Variants in VPS41 observed in about 807,000 individuals in gnomAD.
VPS41 encodes the protein vacuolar protein sorting-associated protein 41 homolog.
Under a neutral mutation model 130.9 loss-of-function variants are expected in VPS41, and 85 were observed. The ratio of observed to expected loss-of-function variants is 0.65; its 90% CI spans 0.55 to 0.78. The LOEUF is 0.78. Ranked by LOEUF, VPS41 falls within the 30% of genes least tolerant of loss-of-function variation. The pLI, the probability that VPS41 is intolerant of heterozygous loss-of-function variation, is 0.00. For synonymous variants in VPS41, 335 were observed against 332.9 expected (o/e 1.01, Z -0.07); for missense variants, 874 against 1,018.7 (o/e 0.86, Z 1.93).
At chr7:38,824,958 A>G (rs1014288112) in intron 5 of VPS41, among the ~76,000 whole-genome samples, 4 of 152,254 alleles carry the variant, frequency 2.6e-5, no homozygotes, top group African/African-American at 9.6e-5. Context: ...TGAAAATTAA[A>G]TTAGGAATTG....
chr7:38,878,153 G>A (rs1368661624), intron 2 of VPS41, among the ~76,000 whole-genome samples: 2 of 152,068 alleles, frequency 1.3e-5, no homozygotes, highest in African/African-American at 4.8e-5. Context: ...GCAGGAAGGT[G>A]GGCACTGCAG....
chr7:38,783,530 T>A (rs1322835501), intron 10 of VPS41, among the ~76,000 whole-genome samples: 2 of 150,524 alleles, frequency 1.3e-5, no homozygotes, highest in African/African-American at 4.9e-5. Flanking sequence ...CGAAACTCTG[T>A]CTCAAAAAAA....
intron 5 of VPS41, among the ~76,000 whole-genome samples, chr7:38,828,373 G>A (rs17680524): frequency 0.012 from 1,800 of 152,098 alleles, 23 homozygotes; most frequent in Non-Finnish European, 0.017. Flanking sequence ...ACAACTGCTG[G>A]AATTATGACT....
chr7:38,857,219 A>C (rs1014429697), intron 4 of VPS41, among the ~76,000 whole-genome samples: 1 of 152,230 alleles, frequency 6.6e-6, no homozygotes, highest in African/African-American at 2.4e-5. Flanking sequence ...TCAAGAGTTT[A>C]ATTTCAAAAA....
At chr7:38,890,780 G>A (rs2392607) in intron 2 of VPS41, among the ~76,000 whole-genome samples, 94,336 of 151,430 alleles carry the variant, frequency 0.62, 30,751 homozygotes, top group East Asian at 0.89. Context: ...CAACCTCCTG[G>A]GCTGAAGTGA....
At chr7:38,794,116 C>A (rs1784579388) in intron 9 of VPS41, among the ~76,000 whole-genome samples, 1 of 152,084 alleles carries the variant, frequency 6.6e-6, no homozygotes, top group South Asian at 2.1e-4. Flanking sequence ...CCTTGTCTTT[C>A]ACCATAAGAA....
chr7:38,818,074 T>C (rs906095750), intron 6 of VPS41, among the ~76,000 whole-genome samples, 192 bp from the exon 7 acceptor site: 9 of 152,182 alleles, frequency 5.9e-5, no homozygotes, highest in African/African-American at 1.7e-4. Context: ...AGATTTCTTC[T>C]CTGAAGCCAG....
At chr7:38,752,533 C>T (rs1400084557) in intron 21 of VPS41, among the ~76,000 whole-genome samples, 1 of 152,132 alleles carries the variant, frequency 6.6e-6, no homozygotes, top group Non-Finnish European at 1.5e-5. Flanking sequence ...CCTGACTCTG[C>T]CACGTACCAA....
At chr7:38,874,813 A>C (rs534645477) in intron 2 of VPS41, among the ~76,000 whole-genome samples, 6 of 152,336 alleles carry the variant, frequency 3.9e-5, no homozygotes, top group Non-Finnish European at 5.9e-5. Flanking sequence ...CATTCTTTCT[A>C]GAACTCTAAT....
intron 4 of VPS41, among the ~76,000 whole-genome samples, chr7:38,845,581 C>T (rs888573053): frequency 2.0e-5 from 3 of 152,216 alleles, no homozygotes; most frequent in African/African-American, 7.2e-5. Flanking sequence ...ACACCTTGGA[C>T]AAGTTGCACT....
chr7:38,881,122 C>T (rs960964003), intron 2 of VPS41, among the ~76,000 whole-genome samples: 5 of 152,114 alleles, frequency 3.3e-5, no homozygotes, highest in Non-Finnish European at 5.9e-5. Context: ...AATTTGTTGT[C>T]GTACAGTGCT....
chr7:38,752,058 G>T, intron 22 of VPS41, 118 bp downstream of exon 22: 1 of 1,419,166 alleles, frequency 7.0e-7, no homozygotes, highest in East Asian at 2.3e-5. Flanking sequence ...GAGAGCAACA[G>T]TCTTCCCCCT....
chr7:38,754,665 A>T, intron 21 of VPS41, 37 bp downstream of exon 21: 2 of 1,589,342 alleles, frequency 1.3e-6, no homozygotes, highest in Non-Finnish European at 8.6e-7. Flanking sequence ...CCCACTGGTC[A>T]ATCAAAAGGG....
chr7:38,908,145 C>G (rs1787309638), intron 1 of VPS41, among the ~76,000 whole-genome samples: 3 of 152,124 alleles, frequency 2.0e-5, no homozygotes, highest in Admixed American at 2.0e-4. Context: ...GTAAATGACT[C>G]TTATGATACT....
chr7:38,890,089 T>C (rs1000209694), intron 2 of VPS41, among the ~76,000 whole-genome samples: 24 of 151,836 alleles, frequency 1.6e-4, no homozygotes, highest in African/African-American at 5.6e-4. Context: ...TAAATTAAGA[T>C]GGAATCCTAA....
intron 2 of VPS41, among the ~76,000 whole-genome samples, chr7:38,876,127 T>C (rs1786485846): frequency 6.6e-6 from 1 of 152,138 alleles, no homozygotes; most frequent in Non-Finnish European, 1.5e-5. Context: ...ATCTAGCAGG[T>C]AGAGGCCAGG....
Position 38,765,500 on chromosome 7 carries a change from A to C in VPS41, c.1329+80T>G. On this transcript the variant is annotated intron_variant, in intron 16 of 28. Transcript: ENST00000310301. The stretch of plus-strand genomic sequence containing the variant: ...ATAATCACGTCCTAAAAAAGAGCTG[A>C]GTACTATTATCTTTGTTTCCACTGC... 5 of 933,902 alleles carry C rather than the reference A, an allele frequency of 5.4e-6. No homozygotes were observed. The South Asian group carries it at 8.1e-5, about 15-fold the overall frequency. 57.9% of individuals were successfully genotyped at this position (933,902 alleles called of 1,614,324 possible).
intron 25 of VPS41, among the ~76,000 whole-genome samples, chr7:38,732,984 C>T (rs1795697541): frequency 1.3e-5 from 2 of 152,120 alleles, no homozygotes; most frequent in East Asian, 1.9e-4. Flanking sequence ...TGAGCCATCA[C>T]GCCCAGCTAA....
chr7:38,761,215 TTCTC>T (rs1200786281), intron 17 of VPS41, among the ~76,000 whole-genome samples: 6 of 149,384 alleles, frequency 4.0e-5, no homozygotes, highest in Non-Finnish European at 8.9e-5. Flanking sequence ...TTCCTTTTCT[TTCTC>T]TCTCTCTCCC....
Sources: gnomAD v4.1 joint callset for allele counts (sites outside exome capture counted in the v4.1 genomes callset) on GRCh38, gnomAD v4.1.1 for gene constraint, MANE v1.5 for transcripts, NCBI Gene and HGNC (gene_info 2026-07-23, HGNC 2026-07-21) for gene names.